Variants in KAT6A observed in about 807,000 individuals in gnomAD.
KAT6A encodes the protein lysine acetyltransferase 6A, also known as histone acetyltransferase KAT6A.
KAT6A carries 9 observed loss-of-function variants against 198.4 expected under a neutral mutation model. The observed-to-expected ratio is 0.05, with a 90% CI of 0.03 to 0.08. The LOEUF is 0.08. KAT6A is among the 10% of genes least tolerant of loss of function. The probability of loss-of-function intolerance (pLI) is 1.00; values close to 1 mark genes in which losing one functional copy is unlikely to be tolerated. For synonymous variants in KAT6A, 890 were observed against 883.0 expected (o/e 1.01, Z -0.14); for missense variants, 2,077 against 2,509.9 (o/e 0.83, Z 3.69).
At chr8:41,991,795 C>G (rs1824959868) in intron 2 of KAT6A, among the ~76,000 whole-genome samples, 1 of 151,240 alleles carries the variant, frequency 6.6e-6, no homozygotes, top group East Asian at 1.9e-4. Context: ...GTGGAGGGGG[C>G]AGAAAAGGGT....
chr8:41,989,528 A>AACGTAACGTG (rs578183781), intron 2 of KAT6A, among the ~76,000 whole-genome samples: 9 of 149,498 alleles, frequency 6.0e-5, no homozygotes, highest in African/African-American at 1.7e-4. Flanking sequence ...AACATAACGT[A>AACGTAACGTG]ACGTGACGTG....
intron 2 of KAT6A, among the ~76,000 whole-genome samples, chr8:42,043,959 G>T (rs556751942): frequency 8.5e-5 from 13 of 152,140 alleles, no homozygotes; most frequent in African/African-American, 2.9e-4. Flanking sequence ...TTATGTTAGA[G>T]GATTAAATGA....
At chr8:41,957,894 T>C (rs1823003748) in intron 8 of KAT6A, 1 of 152,580 alleles carries the variant, frequency 6.6e-6, no homozygotes, top group Admixed American at 6.5e-5. Flanking sequence ...CAACTCTGGA[T>C]CTGGTAGGGA....
chr8:41,963,823 C>T (rs1823325853), intron 8 of KAT6A, among the ~76,000 whole-genome samples: 1 of 152,166 alleles, frequency 6.6e-6, no homozygotes, highest in Non-Finnish European at 1.5e-5. Context: ...AACACAAAAT[C>T]TTCATGATCT....
chr8:41,990,884 A>G (rs1050091640), intron 2 of KAT6A, among the ~76,000 whole-genome samples: 3 of 151,576 alleles, frequency 2.0e-5, no homozygotes, highest in Admixed American at 6.6e-5. Flanking sequence ...AATCCCAGCT[A>G]GTCAGGAGGC....
intron 2 of KAT6A, among the ~76,000 whole-genome samples, chr8:42,016,455 T>C (rs1677464657): frequency 6.6e-6 from 1 of 152,216 alleles, no homozygotes; most frequent in Non-Finnish European, 1.5e-5. Context: ...ATAATATATT[T>C]ATATTTGGTA....
intron 2 of KAT6A, among the ~76,000 whole-genome samples, chr8:42,012,027 C>T (rs1290685319): frequency 6.6e-6 from 1 of 152,012 alleles, no homozygotes; most frequent in East Asian, 1.9e-4. Context: ...CACAACCAAT[C>T]GTTAGGGAAA....
intron 4 of KAT6A, 53 bp from the exon 5 acceptor site, chr8:41,980,980 G>A (rs1824324085): frequency 8.9e-6 from 11 of 1,237,798 alleles, no homozygotes; most frequent in Admixed American, 1.7e-5. Context: ...GCAGAAACAT[G>A]TTACGATCAT....
At chr8:42,042,882 G>T (rs777193981) in intron 2 of KAT6A, among the ~76,000 whole-genome samples, 1 of 152,138 alleles carries the variant, frequency 6.6e-6, no homozygotes, top group Non-Finnish European at 1.5e-5. Flanking sequence ...GTGTAAAAAT[G>T]AACTCAGAAG....
At chr8:41,993,361 C>T (rs1280365842) in intron 2 of KAT6A, among the ~76,000 whole-genome samples, 1 of 152,128 alleles carries the variant, frequency 6.6e-6, no homozygotes, top group African/African-American at 2.4e-5. Context: ...CAAGTTTATA[C>T]AATATTGATA....
intron 2 of KAT6A, among the ~76,000 whole-genome samples, chr8:41,997,138 A>G (rs925385879): frequency 2.6e-4 from 39 of 152,234 alleles, no homozygotes; most frequent in African/African-American, 9.2e-4. Flanking sequence ...AATGTACTTA[A>G]TGCCACTGAA....
chr8:42,015,356 AAAC>A (rs900889513), intron 2 of KAT6A, among the ~76,000 whole-genome samples: 27 of 152,376 alleles, frequency 1.8e-4, no homozygotes, highest in African/African-American at 6.2e-4. Flanking sequence ...GTAACTATGC[AAAC>A]AACTTTCCAG....
At chr8:41,967,435 A>ATCCCTCC (rs1286715520) in intron 8 of KAT6A, among the ~76,000 whole-genome samples, 1 of 138,124 alleles carries the variant, frequency 7.2e-6, no homozygotes, top group East Asian at 2.3e-4. Flanking sequence ...TCCCAATGCT[A>ATCCCTCC]TCCCTCCTCC....
At chr8:41,971,288 T>A (rs1341956474) in intron 8 of KAT6A, among the ~76,000 whole-genome samples, 1 of 149,536 alleles carries the variant, frequency 6.7e-6, no homozygotes, top group Non-Finnish European at 1.5e-5. Context: ...AAATAAAAAA[T>A]TTAAATTCAA....
At chr8:41,989,436 G>C (rs1469267631) in intron 2 of KAT6A, among the ~76,000 whole-genome samples, 1 of 152,064 alleles carries the variant, frequency 6.6e-6, no homozygotes, top group Admixed American at 6.5e-5. Flanking sequence ...TTGAACCCGG[G>C]AGGTAGAGGT....
At chr8:41,976,893 AT>A in intron 7 of KAT6A, 114 bp downstream of exon 7, 2 of 889,392 alleles carry the variant, frequency 2.2e-6, no homozygotes, top group Non-Finnish European at 3.3e-6. Context: ...GTGTTCTTAT[AT>A]TCTATAACCA....
At chr8:41,946,988 A>G (rs1333702572) in intron 11 of KAT6A, among the ~76,000 whole-genome samples, 2 of 152,208 alleles carry the variant, frequency 1.3e-5, no homozygotes, top group African/African-American at 4.8e-5. Flanking sequence ...CTGAGTCCCA[A>G]ACAATCCGTA....
intron 7 of KAT6A, among the ~76,000 whole-genome samples, chr8:41,976,115 T>C (rs1051218509): frequency 1.3e-5 from 2 of 152,168 alleles, no homozygotes; most frequent in African/African-American, 4.8e-5. Context: ...TCTCCTGCAC[T>C]GGACAATCAA....
At chr8:41,939,600 T>A (rs1007275445) in intron 15 of KAT6A, among the ~76,000 whole-genome samples, 2 of 152,308 alleles carry the variant, frequency 1.3e-5, no homozygotes, top group Non-Finnish European at 2.9e-5. Context: ...GAATGGCACT[T>A]TACCTCTATG....
Sources: gnomAD v4.1 joint callset for allele counts (sites outside exome capture counted in the v4.1 genomes callset) on GRCh38, gnomAD v4.1.1 for gene constraint, MANE v1.5 for transcripts, NCBI Gene and HGNC (gene_info 2026-07-23, HGNC 2026-07-21) for gene names.